ATG4C: variants seen among roughly 807,000 people sequenced by gnomAD.
ATG4C encodes the protein cysteine protease ATG4C.
A neutral mutation model predicts 57.6 loss-of-function variants in ATG4C; 56 were observed. The ratio of observed to expected loss-of-function variants is 0.97; its 90% CI spans 0.78 to 1.21. ATG4C has a LOEUF of 1.21. Among genes scored for constraint, ATG4C ranks in the 50% most tolerant of loss-of-function variants. The pLI is 0.00. For synonymous variants in ATG4C, 157 were observed against 174.1 expected (o/e 0.90, Z 0.78); for missense variants, 595 against 529.8 (o/e 1.12, Z -1.21).
intron 10 of ATG4C, among the ~76,000 whole-genome samples, chr1:62,861,731 CAT>C (rs1273167817): frequency 6.6e-6 from 1 of 151,908 alleles, no homozygotes; most frequent in Admixed American, 6.6e-5. Context: ...ATTATTTTAA[CAT>C]AATTGAAACT....
chr1:62,796,595 ATATCT>A (rs1195371192), intron 1 of ATG4C, among the ~76,000 whole-genome samples: 1 of 152,114 alleles, frequency 6.6e-6, no homozygotes, highest in Non-Finnish European at 1.5e-5. Flanking sequence ...TTGTCATAGG[ATATCT>A]TCTCTGTCAA....
At chr1:62,807,600 A>ATTGGTGAACACATCC (rs1664923205) in intron 3 of ATG4C, among the ~76,000 whole-genome samples, 1 of 152,156 alleles carries the variant, frequency 6.6e-6, no homozygotes, top group Non-Finnish European at 1.5e-5. Flanking sequence ...GAGCTTCTGG[A>ATTGGTGAACACATCC]TTGGTGAACA....
intron 6 of ATG4C, among the ~76,000 whole-genome samples, chr1:62,822,170 A>G (rs1665502835): frequency 6.6e-6 from 1 of 152,186 alleles, no homozygotes. Context: ...AGTTAAATAT[A>G]CTTCAATCAT....
chr1:62,821,012 C>A (rs767214409), intron 5 of ATG4C, 127 bp from the exon 6 acceptor site: 68 of 597,338 alleles, frequency 1.1e-4, no homozygotes, highest in Admixed American at 2.6e-4. Context: ...TAGTTTTTGA[C>A]AGCAGACACT....
chr1:62,832,992 T>A (rs1665889085), intron 7 of ATG4C, among the ~76,000 whole-genome samples: 1 of 152,166 alleles, frequency 6.6e-6, no homozygotes, highest in Non-Finnish European at 1.5e-5. Flanking sequence ...AGACAGATGT[T>A]AAGAAGGTGT....
At chr1:62,834,686 T>G in intron 8 of ATG4C, 90 bp from the exon 9 acceptor site, 2 of 1,046,436 alleles carry the variant, frequency 1.9e-6, no homozygotes, top group East Asian at 5.0e-5. Flanking sequence ...TCCCAGATTT[T>G]TTTCAGCTGT....
intron 2 of ATG4C, among the ~76,000 whole-genome samples, chr1:62,804,912 A>C (rs545796083): frequency 6.6e-6 from 1 of 152,142 alleles, no homozygotes; most frequent in Non-Finnish European, 1.5e-5. Flanking sequence ...TTAAAATTAA[A>C]ATTTTTTCTT....
chr1:62,811,662 T>A (rs1312401356), intron 3 of ATG4C, among the ~76,000 whole-genome samples: 1 of 152,208 alleles, frequency 6.6e-6, no homozygotes, highest in East Asian at 1.9e-4. Flanking sequence ...GAGCCATTAA[T>A]TAAAAATTAG....
Position 62,805,152 on chromosome 1 carries a change from C to CTTTTT in ATG4C, c.77-10_77-6dup, listed in dbSNP as rs74261206. 3.7e-6 allele frequency: 5 copies of CTTTTT among 1,368,644 alleles called. No individual in the cohort carries two copies. The highest frequency in any genetic ancestry group is 3.1e-5 in the South Asian group (2 of 63,908). The allele number at this position is 1,368,644 out of a possible 1,614,324, so 84.8% of individuals were successfully genotyped here. ...TTTTAATTACAAAACGTTTTCTTTT[C>CTTTTT]TTTTTTTTTTTTTTGCTAGGTTGGG... On this transcript the variant is annotated intron_variant, in intron 2 of 10. Transcript: ENST00000317868.
At chr1:62,784,438 A>G (rs1392156283) in intron 1 of ATG4C, among the ~76,000 whole-genome samples, 165 bp downstream of exon 1, 2 of 151,882 alleles carry the variant, frequency 1.3e-5, no homozygotes, top group African/African-American at 4.8e-5. Context: ...TCTCCTTTCT[A>G]GTGTCATTTG....
chr1:62,793,609 A>AC (rs1264999347), intron 1 of ATG4C, among the ~76,000 whole-genome samples: 3 of 147,314 alleles, frequency 2.0e-5, no homozygotes, highest in East Asian at 2.0e-4. Flanking sequence ...AAAAAAAAAA[A>AC]AAAAAAAAAA....
Position 62,816,597 on chromosome 1 carries a change from A to G in ATG4C, c.183A>G (p.Ala61=). ...TAGATGAAGATAAAACGTTACCTGC[A>G]GAGTCGGGATGTACAATAGAGGATC... ...KYEDEDKTLP[A]ESGCTIEDHV... The change falls in exon 4 of 11, where the codon GCA becomes GCG. Residue 61 remains alanine, a synonymous_variant. Transcript: ENST00000317868. 6.2e-7 allele frequency: 1 copy of G among 1,610,808 alleles called. No homozygotes were observed. Among genetic ancestry groups the G allele is most frequent in the Non-Finnish European group, 8.5e-7 (1 of 1,178,446 alleles).
At chr1:62,856,881 G>C (rs1666700463) in intron 10 of ATG4C, among the ~76,000 whole-genome samples, 1 of 152,120 alleles carries the variant, frequency 6.6e-6, no homozygotes, top group South Asian at 2.1e-4. Context: ...GTCTGTTTAA[G>C]GGAACAGTAA....
intron 7 of ATG4C, among the ~76,000 whole-genome samples, chr1:62,833,568 A>G (rs1039925367): frequency 4.6e-5 from 7 of 152,162 alleles, no homozygotes; most frequent in South Asian, 2.1e-4. Flanking sequence ...AGTGAATGCC[A>G]TTGATTAGAA....
intron 6 of ATG4C, 132 bp downstream of exon 6, chr1:62,821,341 G>A (rs1572131620): frequency 2.2e-6 from 1 of 451,230 alleles, no homozygotes; most frequent in East Asian, 3.7e-5. Context: ...GTTCCTAAAT[G>A]TAGTAAGCAT....
chr1:62,810,737 A>G (rs551702048), intron 3 of ATG4C, among the ~76,000 whole-genome samples: 1 of 151,528 alleles, frequency 6.6e-6, no homozygotes, highest in East Asian at 1.9e-4. Context: ...CTTTAGAAGA[A>G]AAAGTGTTAG....
chr1:62,858,068 G>C (rs1666740331), intron 10 of ATG4C, among the ~76,000 whole-genome samples: 1 of 152,148 alleles, frequency 6.6e-6, no homozygotes, highest in South Asian at 2.1e-4. Context: ...AGAGAGAAAG[G>C]CCAAGAGAAT....
intron 1 of ATG4C, among the ~76,000 whole-genome samples, chr1:62,797,708 T>C (rs1419017891): frequency 6.6e-6 from 1 of 152,196 alleles, no homozygotes; most frequent in East Asian, 1.9e-4. Context: ...TTCCTTATTG[T>C]TGGATTGTAA....
At chr1:62,794,839 G>C (rs1210073202) in intron 1 of ATG4C, among the ~76,000 whole-genome samples, 2 of 144,512 alleles carry the variant, frequency 1.4e-5, no homozygotes, top group Non-Finnish European at 3.0e-5. Flanking sequence ...TGTAAACAAA[G>C]AGGAGGGAGA....
Sources: allele counts gnomAD v4.1 joint callset (sites outside exome capture counted in the v4.1 genomes callset), GRCh38; gene constraint gnomAD v4.1.1; transcripts MANE v1.5; gene names NCBI Gene and HGNC (gene_info 2026-07-23, HGNC 2026-07-21).